The following CNTN4 variants were observed in gnomAD, a reference collection of about 807,000 sequenced individuals.
CNTN4 encodes the protein contactin 4.
CNTN4 carries 77 observed loss-of-function variants against 122.5 expected under a neutral mutation model. The observed-to-expected ratio is 0.63, with a 90% CI of 0.52 to 0.76. CNTN4 has a LOEUF of 0.76. Ranked by LOEUF, CNTN4 falls within the 30% of genes least tolerant of loss-of-function variation. The pLI is 0.00. For missense variants in CNTN4, 1,256 were observed against 1,259.1 expected (o/e 1.00, Z 0.04); for synonymous variants, 512 against 447.0 (o/e 1.15, Z -1.83).
intron 2 of CNTN4, among the ~76,000 whole-genome samples, chr3:2,209,136 C>T (rs762028844): frequency 2.6e-5 from 4 of 152,140 alleles, no homozygotes; most frequent in East Asian, 1.9e-4. Context: ...GTTTTAATAT[C>T]GCCTAGCAGC....
intron 15 of CNTN4, 64 bp downstream of exon 15, chr3:3,026,341 A>G (rs1559803756): frequency 7.2e-7 from 1 of 1,380,348 alleles, no homozygotes; most frequent in East Asian, 2.4e-5. Context: ...CAATATATTT[A>G]AAGTTACTAT....
chr3:2,663,083 CAG>C (rs2083979224), intron 4 of CNTN4, among the ~76,000 whole-genome samples: 1 of 149,444 alleles, frequency 6.7e-6, no homozygotes, highest in Non-Finnish European at 1.5e-5. Context: ...TCCTGGGCAA[CAG>C]AGTGAGACTC....
At chr3:2,533,287 C>A (rs933032009) in intron 3 of CNTN4, among the ~76,000 whole-genome samples, 1 of 151,974 alleles carries the variant, frequency 6.6e-6, no homozygotes, top group Non-Finnish European at 1.5e-5. Flanking sequence ...CTCCCCCTCC[C>A]TCCACCCCAC....
rs111675339 is a variant in CNTN4 at position 3,020,188 on chromosome 3, A to G, written c.1487-5914A>G. ...ATAGTACTTCAAGATTCAAGGCCTT[A>G]TTTTCATCAGTCTCCCACAGGGCCA... On this transcript the variant is annotated intron_variant, in intron 14 of 24. Transcript: ENST00000418658. 5.9e-5 allele frequency among the ~76,000 whole-genome samples: 9 copies of G among 152,134 alleles called. 1 individual carries two copies. The highest frequency in any genetic ancestry group is 2.2e-4 in the African/African-American group (9 of 41,518).
intron 4 of CNTN4, among the ~76,000 whole-genome samples, chr3:2,607,027 C>T (rs2081286723): frequency 1.3e-5 from 2 of 152,166 alleles, no homozygotes; most frequent in African/African-American, 4.8e-5. Flanking sequence ...CTCCTATCCC[C>T]AGGTTTTTAG....
At chr3:2,440,465 T>C (rs1448092338) in intron 3 of CNTN4, among the ~76,000 whole-genome samples, 1 of 152,194 alleles carries the variant, frequency 6.6e-6, no homozygotes, top group East Asian at 1.9e-4. Context: ...TGTGAGCAGA[T>C]AATTTGTGAA....
intron 4 of CNTN4, among the ~76,000 whole-genome samples, chr3:2,714,068 A>C (rs1479085684): frequency 6.6e-6 from 1 of 152,202 alleles, no homozygotes; most frequent in African/African-American, 2.4e-5. Context: ...ACTAGTAATA[A>C]TAATCATAAT....
intron 2 of CNTN4, among the ~76,000 whole-genome samples, chr3:2,139,326 A>C (rs983713608): frequency 6.6e-6 from 1 of 152,208 alleles, no homozygotes; most frequent in African/African-American, 2.4e-5. Flanking sequence ...TTGAAAAAAC[A>C]CACAAATTGA....
intron 6 of CNTN4, among the ~76,000 whole-genome samples, chr3:2,799,675 G>A (rs1462212555): frequency 6.6e-6 from 1 of 152,098 alleles, no homozygotes; most frequent in African/African-American, 2.4e-5. Flanking sequence ...CGTTTGCCAG[G>A]CTGGCCTCAA....
intron 2 of CNTN4, among the ~76,000 whole-genome samples, chr3:2,177,937 G>T (rs144411521): frequency 4.6e-5 from 7 of 151,820 alleles, no homozygotes; most frequent in African/African-American, 1.7e-4. Flanking sequence ...TTTCTCTATC[G>T]TCTGGATTTT....
At chr3:2,380,105 A>T (rs2045963582) in intron 3 of CNTN4, among the ~76,000 whole-genome samples, 1 of 151,652 alleles carries the variant, frequency 6.6e-6, no homozygotes, top group African/African-American at 2.4e-5. Context: ...ATTTAATTAG[A>T]TACTGTGTCT....
rs375629202 is a variant in CNTN4 at position 2,202,791 on chromosome 3, C to G, written c.-145+102152C>G. Among the ~76,000 whole-genome samples, 14 of 151,804 alleles carry G rather than the reference C, an allele frequency of 9.2e-5. No homozygotes were observed. The South Asian group carries it at 1.5e-3, about 16-fold the overall frequency. On this transcript the variant is annotated intron_variant, in intron 2 of 24. Coordinates refer to ENST00000418658, the MANE Select transcript of CNTN4 (RefSeq NM_175607.3). ...CCCTATTATTAGGTGCTTATTTAAC[C>G]GGAGAATTGCCATGTGTTTTTTGTA...
At chr3:2,950,332 T>C (rs998859714) in intron 13 of CNTN4, among the ~76,000 whole-genome samples, 1 of 152,214 alleles carries the variant, frequency 6.6e-6, no homozygotes, top group Non-Finnish European at 1.5e-5. Flanking sequence ...GAATGAGTCA[T>C]TGTATGTCCA....
At chr3:2,689,300 A>G (rs2085600320) in intron 4 of CNTN4, among the ~76,000 whole-genome samples, 1 of 152,180 alleles carries the variant, frequency 6.6e-6, no homozygotes, top group Admixed American at 6.5e-5. Context: ...TCCTTGAAAT[A>G]TGGCTGCTCT....
Position 3,056,855 on chromosome 3 carries a change from C to T in CNTN4, c.*635C>T, listed in dbSNP as rs1042602144. ...GCCGTTGTGAATTTTGTTGTTCAACCCAACTTGAGATGGTTTCAGGAATGG... is the reference window on the plus strand; with the variant it reads ...GCCGTTGTGAATTTTGTTGTTCAACTCAACTTGAGATGGTTTCAGGAATGG... On this transcript the variant is annotated 3_prime_UTR_variant, in exon 25 of 25. Transcript: ENST00000418658. 6.6e-6 allele frequency: 1 copy of T among 152,626 alleles called. No individual in the cohort carries two copies. The highest frequency in any genetic ancestry group is 2.4e-5 in the African/African-American group (1 of 41,432). 9.5% of individuals were successfully genotyped at this position (152,626 alleles called of 1,614,324 possible). A position where few individuals can be genotyped will look rare whatever the true frequency, so the allele number is the denominator to read the frequency against.
chr3:3,024,100 T>TA lies in CNTN4; in HGVS notation c.1487-2002_1487-2001insA, dbSNP rs1161477446. Among the ~76,000 whole-genome samples, 3 of 152,200 alleles carry TA rather than the reference T, an allele frequency of 2.0e-5. 1 individual carries two copies. Among genetic ancestry groups the TA allele is most frequent in the African/African-American group, 7.2e-5 (3 of 41,456 alleles). ...CAGCCTCTGTTATATGTGTTATCCA[T>TA]GTAAACACAATCCATGCTTGGCGGA... On this transcript the variant is annotated intron_variant, in intron 14 of 24. Transcript: ENST00000418658.
chr3:2,710,525 T>A (rs866639592), intron 4 of CNTN4, among the ~76,000 whole-genome samples: 1 of 152,048 alleles, frequency 6.6e-6, no homozygotes, highest in East Asian at 1.9e-4. Context: ...AGGAAACTAA[T>A]TTTTTTTGTT....
At chr3:2,230,693 A>G (rs957893219) in intron 2 of CNTN4, among the ~76,000 whole-genome samples, 66 of 152,214 alleles carry the variant, frequency 4.3e-4, no homozygotes, top group African/African-American at 1.5e-3. Flanking sequence ...TAATAGAAAC[A>G]TGATGTGAGG....
intron 3 of CNTN4, among the ~76,000 whole-genome samples, chr3:2,392,741 T>C (rs1047907573): frequency 9.2e-5 from 14 of 152,188 alleles, no homozygotes; most frequent in Non-Finnish European, 2.1e-4. Context: ...CTCATTCCTC[T>C]TATTTAACTA....
Sources: allele counts gnomAD v4.1 joint callset (sites outside exome capture counted in the v4.1 genomes callset), GRCh38; gene constraint gnomAD v4.1.1; transcripts MANE v1.5; gene names NCBI Gene and HGNC (gene_info 2026-07-23, HGNC 2026-07-21).